The following PHETA1 variants were observed in gnomAD, a reference collection of about 807,000 sequenced individuals.
The protein encoded by PHETA1 is PH domain containing endocytic trafficking adaptor 1.
For synonymous variants in PHETA1, 155 were observed against 168.9 expected, an observed-to-expected ratio of 0.92 and a Z score of 0.64; for missense variants, 348 against 373.5, an observed-to-expected ratio of 0.93 and a Z score of 0.56.
At chr12:111,364,896 C>G (rs1432719988) in intron 2 of PHETA1, among the ~76,000 whole-genome samples, 1 of 152,172 alleles carries the variant, frequency 6.6e-6, no homozygotes, top group Non-Finnish European at 1.5e-5. Flanking sequence ...CTACTACACT[C>G]CAGCCTGGGG....
At position 111,363,841 on chromosome 12, in the gene PHETA1, A is replaced by G. The variant is rs1309212933; in HGVS notation, c.-36-378T>C. 2.1e-6 allele frequency: 2 copies of G among 936,610 alleles called. No homozygotes were observed. Among genetic ancestry groups the G allele is most frequent in the Non-Finnish European group, 2.9e-6 (2 of 692,334 alleles). The allele number at this position is 936,610 out of a possible 1,614,324, so 58.0% of individuals were successfully genotyped here. On this transcript the variant is annotated intron_variant, in intron 2 of 2. Transcript: ENST00000683047. This position sits in a 1 kb window ranked among gnomAD's most constrained non-coding sequence, Gnocchi z 7.4. ...AGGAAACAGAGGCACAGAGAGGTTA[A>G]CTGCTTCCCTGGTGTCACAAAGCAG...
Position 111,363,484 on chromosome 12 carries a change from G to A in PHETA1, c.-36-21C>T. 1.3e-6 allele frequency: 2 copies of A among 1,580,488 alleles called. No homozygotes were observed. Among genetic ancestry groups the A allele is most frequent in the Non-Finnish European group, 1.7e-6 (2 of 1,164,272 alleles). ...GGGGCCTGGACCCCATAGAAGGGCT[G>A]TTATGCACAAGGCCACTGACGCTAG... On this transcript the variant is annotated intron_variant, in intron 2 of 2. Coordinates refer to ENST00000683047, the MANE Select transcript of PHETA1 (RefSeq NM_144671.6). The surrounding 1 kb of genome is among the most constrained non-coding windows in gnomAD (Gnocchi z 7.4).
In PHETA1 at chr12:111,362,896, G is replaced by A; in HGVS notation, c.532C>T (p.Pro178Ser). The A allele has an allele frequency of 6.6e-7, 1 of 1,519,492 alleles. No individual in the cohort carries two copies. Among genetic ancestry groups the A allele is most frequent in the South Asian group, 1.2e-5 (1 of 80,678 alleles). The allele number at this position is 1,519,492 out of a possible 1,614,324, so 94.1% of individuals were successfully genotyped here. A position where few individuals can be genotyped will look rare whatever the true frequency, so the allele number is the denominator to read the frequency against. ...PVPALPLPRR[P>S]SALPPKENGC... ...TTCTCCTTGGGCGGGAGGGCACTGGGCCGGCGGGGCAGGGGCAGGGCTGGG... is the reference window on the plus strand; with the variant it reads ...TTCTCCTTGGGCGGGAGGGCACTGGACCGGCGGGGCAGGGGCAGGGCTGGG... Residue 178 changes from proline (P) to serine (S), a missense_variant, in exon 3 of 3, where the codon CCC becomes TCC. Coordinates refer to ENST00000683047, the MANE Select transcript of PHETA1 (RefSeq NM_144671.6).
Position 111,360,828 on chromosome 12 carries a change from A to AACT in PHETA1, c.*1849_*1850insAGT, listed in dbSNP as rs2135500012. ...CCCTCTCTCCCAGGAGACCAGGGCC[A>AACT]ACGTACCTTGAGAGTCTGTAAACCT... On this transcript the variant is annotated 3_prime_UTR_variant, in exon 3 of 3. Transcript: ENST00000683047. 6.5e-6 allele frequency: 1 copy of AACT among 152,840 alleles called. No individual in the cohort carries two copies. The highest frequency in any genetic ancestry group is 2.1e-4 in the South Asian group (1 of 4,826). 9.5% of individuals were successfully genotyped at this position (152,840 alleles called of 1,614,324 possible).
chr12:111,363,711 T>C lies in PHETA1; in HGVS notation c.-36-248A>G, dbSNP rs1868850652. Reference sequence around the variant, plus strand: ...ACCCTCCTGTATCCCTGAAATAATGTTGTGAGTTCCTGCTGCATGCCAGAC... The same window carrying C: ...ACCCTCCTGTATCCCTGAAATAATGCTGTGAGTTCCTGCTGCATGCCAGAC... On this transcript the variant is annotated intron_variant, in intron 2 of 2. Transcript: ENST00000683047. The surrounding 1 kb of genome is among the most constrained non-coding windows in gnomAD (Gnocchi z 7.4). 2 of 1,519,638 alleles carry C rather than the reference T, an allele frequency of 1.3e-6. No homozygotes were observed. Among genetic ancestry groups the C allele is most frequent in the African/African-American group, 1.4e-5 (1 of 72,782 alleles). 94.1% of individuals were successfully genotyped at this position (1,519,638 alleles called of 1,614,324 possible). A position where few individuals can be genotyped will look rare whatever the true frequency, so the allele number is the denominator to read the frequency against.
Position 111,363,155 on chromosome 12 carries a change from G to T in PHETA1, c.273C>A (p.Tyr91Ter). 6.2e-7 allele frequency: 1 copy of T among 1,611,310 alleles called. No individual in the cohort carries two copies. Residue 91 changes from tyrosine (Y) to a stop codon, truncating the protein, a stop_gained, in exon 3 of 3, where the codon TAC becomes TAA. Coordinates refer to ENST00000683047, the MANE Select transcript of PHETA1 (RefSeq NM_144671.6). LOFTEE classifies it low-confidence loss of function (END_TRUNC). The surrounding 1 kb of genome is among the most constrained non-coding windows in gnomAD (Gnocchi z 7.4). ...CATCCTGACTCTCAGCGGCCAGCAC[G>T]TAGGTGCGCGCCCGGGTCCCCGCAA... ...VRFAGTRART[Y>*]VLAAESQDAM...
Position 111,362,449 on chromosome 12 carries a change from G to GTGAC in PHETA1, c.*225_*228dup, listed in dbSNP as rs1868667501. The GTGAC allele has an allele frequency of 1.0e-5, 12 of 1,147,696 alleles. No homozygotes were observed. Among genetic ancestry groups the GTGAC allele is most frequent in the Non-Finnish European group, 1.3e-5 (11 of 835,858 alleles). 71.1% of individuals were successfully genotyped at this position (1,147,696 alleles called of 1,614,324 possible). A position where few individuals can be genotyped will look rare whatever the true frequency, so the allele number is the denominator to read the frequency against. On this transcript the variant is annotated 3_prime_UTR_variant, in exon 3 of 3. Transcript: ENST00000683047. Reference sequence around the variant, plus strand: ...CCCTGGATTCTCCTTAGTGTTGCACGTGACGTTCCCCTCAAGGGTAGGCCT... The same window carrying GTGAC: ...CCCTGGATTCTCCTTAGTGTTGCACGTGACTGACGTTCCCCTCAAGGGTAGGCCT...
Position 111,361,322 on chromosome 12 carries a change from C to G in PHETA1, c.*1356G>C. On this transcript the variant is annotated 3_prime_UTR_variant, in exon 3 of 3. Transcript: ENST00000683047. The stretch of plus-strand genomic sequence containing the variant: ...CGGGCCAGCCGTGAGCTGCAGAGGC[C>G]TTGATTGCAGACACACACCCCTCCA... The G allele has an allele frequency of 6.6e-6, 1 of 152,628 alleles. No individual in the cohort carries two copies. The highest frequency in any genetic ancestry group is 1.9e-4 in the East Asian group (1 of 5,182). 9.5% of individuals were successfully genotyped at this position (152,628 alleles called of 1,614,324 possible). A position where few individuals can be genotyped will look rare whatever the true frequency, so the allele number is the denominator to read the frequency against.
Position 111,363,074 on chromosome 12 carries a change from C to A in PHETA1, c.354G>T (p.Leu118=). The change falls in exon 3 of 3, where the codon CTG becomes CTT. Residue 118 remains leucine (L), a synonymous_variant. Coordinates refer to ENST00000683047, the MANE Select transcript of PHETA1 (RefSeq NM_144671.6). This position sits in a 1 kb window ranked among gnomAD's most constrained non-coding sequence, Gnocchi z 7.4. Reference sequence around the variant, plus strand: ...GCTGCTGCTCCAGCTCGCGCACCACCAGCCGCAGGTAGTCGAAGCTGGCAC... The same window carrying A: ...GCTGCTGCTCCAGCTCGCGCACCACAAGCCGCAGGTAGTCGAAGCTGGCAC... ...LSRASFDYLR[L]VVRELEQQLA... 1 of 1,582,232 alleles carries A rather than the reference C, an allele frequency of 6.3e-7. No homozygotes were observed.
Position 111,368,338 on chromosome 12 carries a change from A to G in PHETA1, c.-182+574T>C, listed in dbSNP as rs1869153233. On this transcript the variant is annotated intron_variant, in intron 1 of 2. Transcript: ENST00000683047. The surrounding 1 kb of genome is among the most constrained non-coding windows in gnomAD (Gnocchi z 5.0). ...GCATTTTGGCACTCACATCAACGAA[A>G]AGAAGCCAGTACCGCAGGTCCTGGG... Among the ~76,000 whole-genome samples, 1 of 152,136 alleles carries G rather than the reference A, an allele frequency of 6.6e-6. No homozygotes were observed. The highest frequency in any genetic ancestry group is 2.4e-5 in the African/African-American group (1 of 41,416).
chr12:111,366,497 C>G (rs1296974558), intron 1 of PHETA1, among the ~76,000 whole-genome samples: 1 of 152,182 alleles, frequency 6.6e-6, no homozygotes, highest in Non-Finnish European at 1.5e-5. Flanking sequence ...GTTGATCCCC[C>G]TCTCCAGCGT....
In PHETA1 at chr12:111,362,107, T is replaced by TC. The variant is rs1868643248; in HGVS notation, c.*570dup. ...TCCTGCACTAACACCTGCACCTGTG[T>TC]CCCCAGTCACTACCCTCCCAGCCAC... On this transcript the variant is annotated 3_prime_UTR_variant, in exon 3 of 3. Coordinates refer to ENST00000683047, the MANE Select transcript of PHETA1 (RefSeq NM_144671.6). 2.4e-6 allele frequency: 1 copy of TC among 423,322 alleles called. No individual in the cohort carries two copies. The highest frequency in any genetic ancestry group is 4.8e-6 in the Non-Finnish European group (1 of 210,232). 26.2% of individuals were successfully genotyped at this position (423,322 alleles called of 1,614,324 possible).
At position 111,360,704 on chromosome 12, in the gene PHETA1, C is replaced by T. The variant is rs1868543819; in HGVS notation, c.*1974G>A. ...TTACTTGACAAAATTTTACTTTAGC[C>T]CTTGCATCTCCCTGCCAGGCTGCCG... On this transcript the variant is annotated 3_prime_UTR_variant, in exon 3 of 3. Coordinates refer to ENST00000683047, the MANE Select transcript of PHETA1 (RefSeq NM_144671.6). 6.6e-6 allele frequency: 1 copy of T among 152,666 alleles called. No individual in the cohort carries two copies. The highest frequency in any genetic ancestry group is 2.1e-4 in the South Asian group (1 of 4,834). The allele number at this position is 152,666 out of a possible 1,614,324, so 9.5% of individuals were successfully genotyped here.
chr12:111,362,915 G>T lies in PHETA1; in HGVS notation c.513C>A (p.Ala171=), dbSNP rs1427097219. 2 of 1,504,584 alleles carry T rather than the reference G, an allele frequency of 1.3e-6. No individual in the cohort carries two copies. Among genetic ancestry groups the T allele is most frequent in the Non-Finnish European group, 1.8e-6 (2 of 1,131,800 alleles). The allele number at this position is 1,504,584 out of a possible 1,614,324, so 93.2% of individuals were successfully genotyped here. ...SLPSAPAPVP[A]LPLPRRPSAL... is the part of the protein sequence containing the mutation. ...CACTGGGCCGGCGGGGCAGGGGCAG[G>T]GCTGGGACCGGGGCTGGGGCAGAAG... The change falls in exon 3 of 3, where the codon GCC becomes GCA. Residue 171 remains alanine (A), a synonymous_variant. Coordinates refer to ENST00000683047, the MANE Select transcript of PHETA1 (RefSeq NM_144671.6).
At chr12:111,366,735 C>A (rs1473111582) in intron 1 of PHETA1, among the ~76,000 whole-genome samples, 1 of 152,136 alleles carries the variant, frequency 6.6e-6, no homozygotes, top group African/African-American at 2.4e-5. Context: ...CACTCCTCCT[C>A]TGCTCTAAAC....
chr12:111,363,709 T>C lies in PHETA1; in HGVS notation c.-36-246A>G. On this transcript the variant is annotated intron_variant, in intron 2 of 2. Transcript: ENST00000683047. This position sits in a 1 kb window ranked among gnomAD's most constrained non-coding sequence, Gnocchi z 7.4. The stretch of plus-strand genomic sequence containing the variant: ...CTACCCTCCTGTATCCCTGAAATAA[T>C]GTTGTGAGTTCCTGCTGCATGCCAG... The C allele has an allele frequency of 6.6e-7, 1 of 1,520,810 alleles. No homozygotes were observed. The highest frequency in any genetic ancestry group is 8.8e-7 in the Non-Finnish European group (1 of 1,137,630). 94.2% of individuals were successfully genotyped at this position (1,520,810 alleles called of 1,614,324 possible).
In PHETA1 at chr12:111,363,330, G is replaced by A; in HGVS notation, c.98C>T (p.Ala33Val). ...CAGCACGAACCAGCGCCGGTGGTAG[G>A]CCGCGTGCCGCCCACCCTTCTTGTA... is the stretch of plus-strand genomic sequence containing the variant. ...FLYKKGGRHA[A>V]YHRRWFVLRG... Residue 33 changes from alanine to valine, a missense_variant, in exon 3 of 3, where the codon GCC (alanine) becomes GTC (valine). Transcript: ENST00000683047. The surrounding 1 kb of genome is among the most constrained non-coding windows in gnomAD (Gnocchi z 7.4). 2 of 1,613,062 alleles carry A rather than the reference G, an allele frequency of 1.2e-6. No individual in the cohort carries two copies. The highest frequency in any genetic ancestry group is 1.7e-6 in the Non-Finnish European group (2 of 1,179,948).
At chr12:111,364,786 G>A (rs1409518066) in intron 2 of PHETA1, among the ~76,000 whole-genome samples, 1 of 151,434 alleles carries the variant, frequency 6.6e-6, no homozygotes, top group Non-Finnish European at 1.5e-5. Context: ...AAAATAGCCA[G>A]GCATGGTGGG....
In PHETA1 at chr12:111,368,474, G is replaced by T. The variant is rs1869159672; in HGVS notation, c.-182+438C>A. The stretch of plus-strand genomic sequence containing the variant: ...AAGAACACTAAAGAGCAGCCTGGCC[G>T]TCACCGCCCCAGCAGGGACCCCAGA... On this transcript the variant is annotated intron_variant, in intron 1 of 2. Transcript: ENST00000683047. The surrounding 1 kb of genome is among the most constrained non-coding windows in gnomAD (Gnocchi z 5.0). Among the ~76,000 whole-genome samples the T allele has an allele frequency of 6.6e-6, 1 of 152,150 alleles. No individual in the cohort carries two copies. The highest frequency in any genetic ancestry group is 6.6e-5 in the Admixed American group (1 of 15,266).
Sources: allele counts gnomAD v4.1 joint callset (sites outside exome capture counted in the v4.1 genomes callset), GRCh38; gene constraint gnomAD v4.1.1; non-coding constraint Gnocchi (gnomAD v3.1); transcripts MANE v1.5; gene names NCBI Gene and HGNC (gene_info 2026-07-23, HGNC 2026-07-21).